The following SGCD variants were observed in gnomAD, a reference collection of about 807,000 sequenced individuals.
The protein encoded by SGCD is sarcoglycan delta.
SGCD carries 18 observed loss-of-function variants against 36.6 expected under a neutral mutation model. The observed-to-expected ratio is 0.49, with a 90% CI of 0.34 to 0.73. SGCD has a LOEUF of 0.73. Ranked by LOEUF, SGCD falls within the 30% of genes least tolerant of loss-of-function variation. SGCD has a pLI of 0.01. For missense variants in SGCD, 387 were observed against 346.7 expected (o/e 1.12, Z -0.92); for synonymous variants, 133 against 130.6 (o/e 1.02, Z -0.12).
the SGCD span, among the ~76,000 whole-genome samples, chr5:155,767,360 T>TTC: frequency 6.6e-6 from 1 of 152,192 alleles, no homozygotes; most frequent in African/African-American, 2.4e-5. Flanking sequence ...TTGCATCCGC[T>TTC]TCTCACCCAG....
rs552049236 is a variant in SGCD, at chr5:156,119,301, T to A, written c.-208+1350T>A. On this transcript the variant is annotated intron_variant, in intron 2 of 9. Coordinates refer to the SGCD transcript ENST00000517913. ...AAAGAAGCAATGGTGATTTTCAGCA[T>A]GTTTGCTGAATGTCAATATGCTCCA... Among the ~76,000 whole-genome samples, 26 of 152,288 alleles carry A rather than the reference T, an allele frequency of 1.7e-4. No individual in the cohort carries two copies. In the East Asian group the frequency reaches 3.7e-3, roughly 22 times the overall value.
At chr5:156,170,524 C>T (rs1193543844) in intron 3 of SGCD, among the ~76,000 whole-genome samples, 1 of 152,112 alleles carries the variant, frequency 6.6e-6, no homozygotes, top group Non-Finnish European at 1.5e-5. Context: ...GATGACACCA[C>T]TTGTCACCAC....
At chr5:155,931,426 T>C (rs181805851) in intron 1 of SGCD, among the ~76,000 whole-genome samples, 1 of 152,324 alleles carries the variant, frequency 6.6e-6, no homozygotes. Flanking sequence ...TCAACCTAAG[T>C]AGATTCAGTT....
chr5:156,207,826 T>C (rs1764330921), intron 3 of SGCD, among the ~76,000 whole-genome samples: 3 of 152,072 alleles, frequency 2.0e-5, no homozygotes, highest in African/African-American at 7.2e-5. Flanking sequence ...TTTATATATA[T>C]GTATATATAA....
intron 3 of SGCD, among the ~76,000 whole-genome samples, chr5:156,456,861 G>C (rs983010829): frequency 5.9e-5 from 9 of 152,096 alleles, no homozygotes; most frequent in African/African-American, 2.2e-4. Flanking sequence ...TTCAAGTTTT[G>C]AATTAAAACA....
upstream of SGCD, among the ~76,000 whole-genome samples, chr5:156,323,032 T>C: frequency 6.6e-6 from 1 of 152,160 alleles, no homozygotes; most frequent in South Asian, 2.1e-4. Context: ...CTGGCTCTAG[T>C]CAGCTTAAAA....
At chr5:156,398,447 A>G (rs1771976087) in intron 3 of SGCD, among the ~76,000 whole-genome samples, 3 of 152,202 alleles carry the variant, frequency 2.0e-5, no homozygotes. Flanking sequence ...GTATTTTATT[A>G]CTAAGATTGT....
chr5:156,192,387 A>C (rs11742893), intron 3 of SGCD, among the ~76,000 whole-genome samples: 46,891 of 151,958 alleles, frequency 0.31, 7,707 homozygotes, highest in East Asian at 0.6. Context: ...GACAAATATC[A>C]TGTGTTCTCA....
intron 3 of SGCD, among the ~76,000 whole-genome samples, chr5:156,260,771 TAA>T (rs1765838637): frequency 6.6e-6 from 1 of 152,276 alleles, no homozygotes; most frequent in Non-Finnish European, 1.5e-5. Flanking sequence ...TCCTGAATCT[TAA>T]GAGTATTTGG....
intron 3 of SGCD, among the ~76,000 whole-genome samples, chr5:156,308,300 CTTTTT>C (rs3043456): frequency 1.4e-5 from 2 of 141,334 alleles, no homozygotes; most frequent in African/African-American, 5.3e-5. Flanking sequence ...AAGTGCCATA[CTTTTT>C]TTTTTTTTTT....
At chr5:156,565,563 A>T (rs979604492) in intron 4 of SGCD, among the ~76,000 whole-genome samples, 1 of 152,116 alleles carries the variant, frequency 6.6e-6, no homozygotes, top group Non-Finnish European at 1.5e-5. Flanking sequence ...TTTTTTTATT[A>T]TACTTTAAGT....
At chr5:155,919,900 C>G (rs1428126935) in intron 1 of SGCD, among the ~76,000 whole-genome samples, 1 of 152,152 alleles carries the variant, frequency 6.6e-6, no homozygotes, top group Admixed American at 6.6e-5. Context: ...GAAATTTCCA[C>G]TTTGCATGGG....
chr5:155,731,459 A>G, the SGCD span, among the ~76,000 whole-genome samples: 4 of 152,182 alleles, frequency 2.6e-5, no homozygotes, highest in Non-Finnish European at 4.4e-5. Flanking sequence ...GGACGTTGAC[A>G]TAGTCCAGAT....
intron 3 of SGCD, among the ~76,000 whole-genome samples, chr5:156,472,638 G>A (rs918518392): frequency 7.9e-5 from 12 of 152,072 alleles, no homozygotes; most frequent in Admixed American, 3.9e-4. Flanking sequence ...GGCTGGTCTC[G>A]AACTCCTGAC....
At chr5:155,959,209 G>A (rs575541765) in intron 1 of SGCD, among the ~76,000 whole-genome samples, 7 of 152,192 alleles carry the variant, frequency 4.6e-5, no homozygotes, top group African/African-American at 7.2e-5. Flanking sequence ...ATTAATAGCC[G>A]TCCACACTCA....
At chr5:156,626,853 T>C (rs1032363177) in intron 6 of SGCD, among the ~76,000 whole-genome samples, 2 of 152,190 alleles carry the variant, frequency 1.3e-5, no homozygotes, top group Non-Finnish European at 2.9e-5. Flanking sequence ...GCAGCTCTTC[T>C]TGGGGCAAAG....
At chr5:156,670,851 A>G (rs984281464) in intron 7 of SGCD, among the ~76,000 whole-genome samples, 1 of 152,186 alleles carries the variant, frequency 6.6e-6, no homozygotes, top group Non-Finnish European at 1.5e-5. Flanking sequence ...GCTGTCCTTC[A>G]GTGGCTGTCA....
intron 3 of SGCD, among the ~76,000 whole-genome samples, chr5:156,267,205 G>A (rs1766024296): frequency 6.6e-6 from 1 of 152,146 alleles, no homozygotes; most frequent in African/African-American, 2.4e-5. Context: ...CACTTAATAA[G>A]CGATAGTTTC....
intron 6 of SGCD, among the ~76,000 whole-genome samples, chr5:156,620,964 T>A (rs1045146757): frequency 6.6e-6 from 1 of 152,210 alleles, no homozygotes; most frequent in Non-Finnish European, 1.5e-5. Flanking sequence ...AGTTAGACAT[T>A]ATTTATGTTG....
Sources: gnomAD v4.1 joint callset for allele counts (sites outside exome capture counted in the v4.1 genomes callset) on GRCh38, gnomAD v4.1.1 for gene constraint, MANE v1.5 for transcripts, NCBI Gene and HGNC (gene_info 2026-07-23, HGNC 2026-07-21) for gene names.